AGTR1: variants seen among roughly 807,000 people sequenced by gnomAD.
The protein encoded by AGTR1 is type-1 angiotensin II receptor.
Under a neutral mutation model 19.4 loss-of-function variants are expected in AGTR1, and 16 were observed. The ratio of observed to expected loss-of-function variants is 0.82; its 90% confidence interval spans 0.56 to 1.25. AGTR1 has a LOEUF of 1.25. Among genes scored for constraint, AGTR1 ranks in the 50% most tolerant of loss-of-function variants. The pLI, the probability that AGTR1 is intolerant of heterozygous loss-of-function variation, is 0.00. For synonymous variants in AGTR1, 153 were observed against 154.9 expected (o/e 0.99, Z 0.09); for missense variants, 373 against 431.9 (o/e 0.86, Z 1.21).
rs879668265 is a variant in AGTR1, at chr3:148,742,547, G to A, written c.*432G>A. ...GTTTCCAAAGGGCAGTAAAGTTTTCGTGCCGGTTTTCAGCTATTAGCAACT... is the reference window on the plus strand; with the variant it reads ...GTTTCCAAAGGGCAGTAAAGTTTTCATGCCGGTTTTCAGCTATTAGCAACT... On this transcript the variant is annotated 3_prime_UTR_variant, in exon 3 of 3. Coordinates refer to ENST00000349243, the MANE Select transcript of AGTR1 (RefSeq NM_000685.5). 9 of 319,244 alleles carry A rather than the reference G, an allele frequency of 2.8e-5. No individual in the cohort carries two copies. The highest frequency in any genetic ancestry group is 6.7e-5 in the African/African-American group (3 of 44,882). The allele number at this position is 319,244 out of a possible 1,614,324, so 19.8% of individuals were successfully genotyped here.
In AGTR1 at chr3:148,741,840, G is replaced by A. The variant is rs762651737; in HGVS notation, c.805G>A (p.Gly269Ser). ...TTTTCTGGATGTATTGATTCAACTAGGCATCATACGTGACTGTAGAATTGC... is the reference window on the plus strand; with the variant it reads ...TTTTCTGGATGTATTGATTCAACTAAGCATCATACGTGACTGTAGAATTGC... ...FTFLDVLIQLGIIRDCRIADI... is the reference protein window; with the variant it reads ...FTFLDVLIQLSIIRDCRIADI... Residue 269 changes from glycine to serine, a missense_variant, in exon 3 of 3, where the codon GGC (glycine) becomes AGC (serine). By Grantham distance (56) the Gly-to-Ser change is moderately conservative (BLOSUM62 0). Transcript: ENST00000349243. 2.2e-5 allele frequency: 35 copies of A among 1,613,824 alleles called. No homozygotes were observed. The highest frequency in any genetic ancestry group is 2.9e-5 in the Non-Finnish European group (34 of 1,180,012).
intron 2 of AGTR1, among the ~76,000 whole-genome samples, chr3:148,733,212 T>C (rs918960487): frequency 3.9e-5 from 6 of 152,198 alleles, no homozygotes; most frequent in Non-Finnish European, 7.3e-5. Context: ...ATATTTCTTC[T>C]GCAATCAGAA....
intron 2 of AGTR1, among the ~76,000 whole-genome samples, chr3:148,711,557 G>GT (rs537463342): frequency 7.9e-5 from 12 of 151,126 alleles, no homozygotes; most frequent in Admixed American, 4.0e-4. Flanking sequence ...TTGTGCCTGA[G>GT]TTTTTTTTTC....
At chr3:148,706,825 A>G (rs566243400) in intron 1 of AGTR1, among the ~76,000 whole-genome samples, 42 of 152,184 alleles carry the variant, frequency 2.8e-4, no homozygotes, top group African/African-American at 1.0e-3. Context: ...TAAAGAAAAA[A>G]TGATTTGATA....
At chr3:148,721,564 G>A (rs913071476) in intron 2 of AGTR1, among the ~76,000 whole-genome samples, 1 of 152,168 alleles carries the variant, frequency 6.6e-6, no homozygotes, top group Non-Finnish European at 1.5e-5. Flanking sequence ...GATCCCTGGA[G>A]GATAGGAAAC....
intron 2 of AGTR1, among the ~76,000 whole-genome samples, chr3:148,739,094 C>T (rs942781324): frequency 1.3e-5 from 2 of 152,194 alleles, no homozygotes; most frequent in East Asian, 1.9e-4. Flanking sequence ...TGCGGTGGCT[C>T]ACGCCTGTAA....
chr3:148,725,942 C>G (rs1429233404), intron 2 of AGTR1, among the ~76,000 whole-genome samples: 2 of 152,170 alleles, frequency 1.3e-5, no homozygotes, highest in African/African-American at 4.8e-5. Context: ...CTTCGCACTT[C>G]AGCTATTTAG....
At chr3:148,732,544 TATTAA>T (rs1301718146) in intron 2 of AGTR1, among the ~76,000 whole-genome samples, 1 of 152,142 alleles carries the variant, frequency 6.6e-6, no homozygotes, top group African/African-American at 2.4e-5. Flanking sequence ...TATAGAATAT[TATTAA>T]ATTAGTGTGG....
rs1576528871 is a variant in AGTR1 at position 148,716,458 on chromosome 3, C to T, written c.-48+8431C>T. ...TACAGTTATTTATTTATAACTAGTG[C>T]AAATACAGTTATTTATTTATAACTA... On this transcript the variant is annotated intron_variant, in intron 2 of 2. Coordinates refer to ENST00000349243, the MANE Select transcript of AGTR1 (RefSeq NM_000685.5). This position sits in a 1 kb window ranked among gnomAD's most constrained non-coding sequence, Gnocchi z 4.7. Among the ~76,000 whole-genome samples the T allele has an allele frequency of 6.6e-6, 1 of 151,982 alleles. No individual in the cohort carries two copies. Among genetic ancestry groups the T allele is most frequent in the Non-Finnish European group, 1.5e-5 (1 of 68,000 alleles).
intron 2 of AGTR1, among the ~76,000 whole-genome samples, chr3:148,720,327 G>T (rs1233281720): frequency 8.1e-6 from 1 of 123,208 alleles, no homozygotes; most frequent in Non-Finnish European, 1.7e-5. Context: ...GAAAACATGG[G>T]AGAATGTATT....
At chr3:148,732,270 C>T (rs2107962476) in intron 2 of AGTR1, among the ~76,000 whole-genome samples, 1 of 152,348 alleles carries the variant, frequency 6.6e-6, no homozygotes. Flanking sequence ...GTCTGACAGG[C>T]TTACAGCCTT....
chr3:148,739,267 G>C (rs1172305075), intron 2 of AGTR1, among the ~76,000 whole-genome samples: 1 of 151,884 alleles, frequency 6.6e-6, no homozygotes, highest in Non-Finnish European at 1.5e-5. Flanking sequence ...GCTGAGGCAT[G>C]AGAATCACTT....
At chr3:148,719,218 C>T (rs1473692582) in intron 2 of AGTR1, among the ~76,000 whole-genome samples, 1 of 152,108 alleles carries the variant, frequency 6.6e-6, no homozygotes, top group Middle Eastern at 3.4e-3. Context: ...AAGGAAATTG[C>T]GCAGAAAGTG....
chr3:148,726,331 C>A (rs1288883807), intron 2 of AGTR1, among the ~76,000 whole-genome samples: 1 of 152,106 alleles, frequency 6.6e-6, no homozygotes, highest in African/African-American at 2.4e-5. Flanking sequence ...ACATCAGCCT[C>A]CCGAGTAGAT....
chr3:148,733,352 C>T (rs17712627), intron 2 of AGTR1, among the ~76,000 whole-genome samples: 6,705 of 152,152 alleles, frequency 0.044, 161 homozygotes, highest in East Asian at 0.053. Context: ...CCAATAACCC[C>T]AACATAATAC....
rs13306156 is a variant in AGTR1 at position 148,708,380 on chromosome 3, T to C, written c.-48+353T>C. The stretch of plus-strand genomic sequence containing the variant: ...CTTAAGAGGACCAGAAGGGAAATGA[T>C]TGTACTCTCTTGTCAGCTACTTCCT... On this transcript the variant is annotated intron_variant, in intron 2 of 2. Transcript: ENST00000349243. Among the ~76,000 whole-genome samples the C allele has an allele frequency of 5.6e-3, 851 of 152,226 alleles. 22 individuals are homozygous for C. The highest frequency in any genetic ancestry group is 0.044 in the Middle Eastern group (13 of 294).
At chr3:148,714,261 A>G (rs541622162) in intron 2 of AGTR1, among the ~76,000 whole-genome samples, 13 of 152,306 alleles carry the variant, frequency 8.5e-5, no homozygotes, top group Admixed American at 2.6e-4. Context: ...GATGAGAACA[A>G]TCACGTAAAA....
chr3:148,741,703 A>G lies in AGTR1; in HGVS notation c.668A>G (p.Lys223Arg). 6.2e-7 allele frequency: 1 copy of G among 1,614,090 alleles called. No homozygotes were observed. The highest frequency in any genetic ancestry group is 8.5e-7 in the Non-Finnish European group (1 of 1,179,952). Residue 223 changes from lysine to arginine, a missense_variant, in exon 3 of 3, where the codon AAG becomes AGG. By Grantham distance (26) the Lys-to-Arg change is conservative (BLOSUM62 2). Coordinates refer to ENST00000349243, the MANE Select transcript of AGTR1 (RefSeq NM_000685.5). ...TSYTLIWKAL[K>R]KAYEIQKNKP... ...TATACTCTTATTTGGAAGGCCCTAAAGAAGGCTTATGAAATTCAGAAGAAC... is the reference window on the plus strand; with the variant it reads ...TATACTCTTATTTGGAAGGCCCTAAGGAAGGCTTATGAAATTCAGAAGAAC...
At chr3:148,736,211 A>G (rs1419870045) in intron 2 of AGTR1, among the ~76,000 whole-genome samples, 2 of 152,350 alleles carry the variant, frequency 1.3e-5, no homozygotes, top group Middle Eastern at 3.4e-3. Context: ...GAAAGCTGTC[A>G]AAGGATATAA....
Sources: allele counts gnomAD v4.1 joint callset (sites outside exome capture counted in the v4.1 genomes callset), GRCh38; gene constraint gnomAD v4.1.1; non-coding constraint Gnocchi (gnomAD v3.1); transcripts MANE v1.5; gene names NCBI Gene and HGNC (gene_info 2026-07-23, HGNC 2026-07-21).